Variants in MGAM observed in about 807,000 individuals in gnomAD.
The protein encoded by MGAM is maltase-glucoamylase, also known as alpha-1,4-glucosidase.
A neutral mutation model predicts 358.8 loss-of-function variants in MGAM; 253 were observed. That is an observed-to-expected ratio of 0.71 (90% confidence interval 0.64 to 0.78). The LOEUF is 0.78. Among genes scored for constraint, MGAM ranks in the 30% least tolerant of loss-of-function variants. The pLI is 0.00. For missense variants in MGAM, 3,080 were observed against 3,432.6 expected, an observed-to-expected ratio of 0.90 and a Z score of 2.57; for synonymous variants, 1,105 against 1,227.1, an observed-to-expected ratio of 0.90 and a Z score of 2.08.
At chr7:142,046,408 C>G (rs1810420817) in intron 21 of MGAM, among the ~76,000 whole-genome samples, 2 of 151,724 alleles carry the variant, frequency 1.3e-5, no homozygotes, top group African/African-American at 4.8e-5. Flanking sequence ...TCTCATTCCT[C>G]CAGAGATGAT....
At position 142,008,596 on chromosome 7, in the gene MGAM, C is replaced by T. The variant is rs201174904; in HGVS notation, c.218C>T (p.Thr73Met). ...ACTGGTACCACACATGCTAGGACAA[C>T]GGGTCCCCCAGATCCTGGAACAACT... is the stretch of plus-strand genomic sequence containing the variant. ...GTTGTTHART[T>M]GPPDPGTTGT... Residue 73 changes from threonine (T) to methionine (M), a missense_variant, in exon 3 of 71, where the codon ACG (threonine) becomes ATG (methionine). Transcript: ENST00000475668. The T allele has an allele frequency of 2.0e-4, 326 of 1,613,150 alleles. 5 individuals are homozygous for T. The South Asian group carries it at 2.5e-3, about 12-fold the overall frequency.
Position 142,025,074 on chromosome 7 carries a change from C to T in MGAM, c.907C>T (p.Gln303Ter), listed in dbSNP as rs1554460378. The T allele has an allele frequency of 6.2e-7, 1 of 1,613,696 alleles. No homozygotes were observed. Among genetic ancestry groups the T allele is most frequent in the Non-Finnish European group, 8.5e-7 (1 of 1,179,656 alleles). The change falls in exon 8 of 71, where the codon CAG (glutamine) becomes TAG (stop). Residue 303 changes from glutamine to a stop codon, truncating the protein, a stop_gained. Coordinates refer to ENST00000475668, the MANE Select transcript of MGAM (RefSeq NM_001365693.1). LOFTEE classifies it high-confidence loss of function. ...NGNGTNLYGA[Q>*]TFFLCLEDAS... ...GAACGGAACTAATTTGTATGGTGCGCAGACATTCTTCTTGTGCCTTGAAGA... is the reference window on the plus strand; with the variant it reads ...GAACGGAACTAATTTGTATGGTGCGTAGACATTCTTCTTGTGCCTTGAAGA...
At chr7:141,989,028 A>T (rs1328692787) in intron 2 of MGAM, among the ~76,000 whole-genome samples, 8 of 152,058 alleles carry the variant, frequency 5.3e-5, no homozygotes, top group Non-Finnish European at 1.0e-4. Flanking sequence ...TTTGTAGGCT[A>T]TGAAGACTGT....
At position 142,102,541 on chromosome 7, in the gene MGAM, T is replaced by C. The variant is rs1816526050; in HGVS notation, c.7964-89T>C. 4.5e-5 allele frequency: 54 copies of C among 1,212,314 alleles called. 2 individuals carry two copies. In the South Asian group the frequency reaches 6.8e-4, roughly 15 times the overall value. The allele number at this position is 1,212,314 out of a possible 1,614,324, so 75.1% of individuals were successfully genotyped here. A position where few individuals can be genotyped will look rare whatever the true frequency, so the allele number is the denominator to read the frequency against. On this transcript the variant is annotated intron_variant, in intron 68 of 70. Coordinates refer to ENST00000475668, the MANE Select transcript of MGAM (RefSeq NM_001365693.1). ...GCCTTACTCTCTCAAACAAGACAAG[T>C]AGGCAATTAGAACAGCATTTATATA...
At chr7:142,074,305 G>C in intron 45 of MGAM, 132 bp downstream of exon 45, 1 of 705,178 alleles carries the variant, frequency 1.4e-6, no homozygotes, top group South Asian at 1.9e-5. Context: ...TAAGTATTTT[G>C]TTTCTGGTTG....
At position 142,027,680 on chromosome 7, in the gene MGAM, C is replaced by G; in HGVS notation, c.1166C>G (p.Thr389Ser). ...GFHLSRYEYG[T>S]LDNMREVVER... ...CACCTCAGTCGTTACGAATATGGAACCTTAGACAACATGAGGGAAGTCGTG... is the reference window on the plus strand; with the variant it reads ...CACCTCAGTCGTTACGAATATGGAAGCTTAGACAACATGAGGGAAGTCGTG... Residue 389 changes from threonine to serine, a missense_variant, in exon 10 of 71, where the codon ACC becomes AGC. Physicochemically the swap from Thr to Ser is moderately conservative, Grantham distance 58 (BLOSUM62 1). This residue lies in a region of MGAM where 1,816 missense variants were observed against 1,840.5 expected (regional missense o/e 0.99). Coordinates refer to ENST00000475668, the MANE Select transcript of MGAM (RefSeq NM_001365693.1). 1.2e-6 allele frequency: 2 copies of G among 1,613,640 alleles called. No individual in the cohort carries two copies. The highest frequency in any genetic ancestry group is 1.7e-6 in the Non-Finnish European group (2 of 1,179,664).
chr7:142,045,285 A>G (rs1810031981), intron 21 of MGAM, among the ~76,000 whole-genome samples: 1 of 111,354 alleles, frequency 9.0e-6, no homozygotes, highest in Non-Finnish European at 1.7e-5. Context: ...CCTATAATAT[A>G]TGATATATAA....
In MGAM at chr7:142,056,870, C is replaced by G; in HGVS notation, c.3621C>G (p.Thr1207=). 3 of 1,613,822 alleles carry G rather than the reference C, an allele frequency of 1.9e-6. No individual in the cohort carries two copies. The highest frequency in any genetic ancestry group is 2.5e-6 in the Non-Finnish European group (3 of 1,179,826). Residue 1207 remains threonine, a synonymous_variant, in exon 30 of 71, where the codon ACC becomes ACG. Transcript: ENST00000475668. ...CCCTGCCTGCCTTGACATACCGCAC[C>G]ACAGGGGGAGTTCTGGACTTTTATG... ...FQPLPALTYR[T]TGGVLDFYVF... is the part of the protein sequence containing the mutation.
At chr7:142,031,266 A>T (rs1467702895) in intron 12 of MGAM, among the ~76,000 whole-genome samples, 1 of 152,128 alleles carries the variant, frequency 6.6e-6, no homozygotes, top group Non-Finnish European at 1.5e-5. Context: ...ACCTTTTCAG[A>T]GTATAGTGTC....
In MGAM at chr7:142,040,808, C is replaced by T; in HGVS notation, c.2460C>T (p.Ile820=). The part of the protein sequence containing the change: ...KIGLHLRGGY[I]FPTQQPNTTT... ...GACTTCACCTTCGAGGAGGCTACAT[C>T]TTCCCCACACAGCAGCCAAATACAA... The change falls in exon 21 of 71, where the codon ATC becomes ATT. Residue 820 remains isoleucine (I), a synonymous_variant. Coordinates refer to ENST00000475668, the MANE Select transcript of MGAM (RefSeq NM_001365693.1). The T allele has an allele frequency of 6.2e-7, 1 of 1,612,992 alleles. No individual in the cohort carries two copies. The highest frequency in any genetic ancestry group is 8.5e-7 in the Non-Finnish European group (1 of 1,179,350).
rs1237492601 is a variant in MGAM, at chr7:142,102,671, G to T, written c.8005G>T (p.Ala2669Ser). ...ACTCTATTACTTGGCCAGCTTTTCT[G>T]CCAGCCAGGTGAGTGTGATTGATAT... The part of the protein sequence containing the change: ...KGLYYLASFS[A>S]SQNTMQSHII... Residue 2669 changes from alanine (A) to serine (S), a missense_variant, in exon 69 of 71, where the codon GCC becomes TCC. This residue lies in a region of MGAM where 194 missense variants were observed against 172.8 expected (regional missense o/e 1.12). Coordinates refer to ENST00000475668, the MANE Select transcript of MGAM (RefSeq NM_001365693.1). The T allele has an allele frequency of 5.0e-6, 8 of 1,613,038 alleles. No individual in the cohort carries two copies. In the East Asian group the frequency reaches 1.8e-4, roughly 36 times the overall value.
chr7:141,994,882 GA>G (rs1436700140), upstream of MGAM, among the ~76,000 whole-genome samples: 1 of 152,136 alleles, frequency 6.6e-6, no homozygotes, highest in African/African-American at 2.4e-5. Context: ...CTGAGTCAAC[GA>G]AACCTCTTTT....
intron 19 of MGAM, among the ~76,000 whole-genome samples, chr7:142,039,650 C>T (rs889601062): frequency 2.6e-5 from 4 of 152,046 alleles, no homozygotes; most frequent in Non-Finnish European, 5.9e-5. Context: ...TGCTCCATGA[C>T]GTAGAAACAG....
Position 142,052,784 on chromosome 7 carries a change from G to A in MGAM, c.2959G>A (p.Ala987Thr), listed in dbSNP as rs1160704031. Reference protein sequence around the residue: ...NCTARGCIWEASNSSGVPFCY... With the variant: ...NCTARGCIWETSNSSGVPFCY... ...CTATGACTTTGGCCTTACTTTTCAG[G>A]CATCCAATTCTTCTGGAGTCCCTTT... The change falls in exon 26 of 71, where the codon GCA (alanine) becomes ACA (threonine). Residue 987 changes from alanine (A) to threonine (T), a missense_variant and splice_region_variant. Coordinates refer to ENST00000475668, the MANE Select transcript of MGAM (RefSeq NM_001365693.1). The A allele has an allele frequency of 4.3e-6, 7 of 1,613,700 alleles. No homozygotes were observed. The highest frequency in any genetic ancestry group is 5.9e-6 in the Non-Finnish European group (7 of 1,179,772).
At chr7:142,050,627 A>G in intron 23 of MGAM, 70 bp from the exon 24 acceptor site, 1 of 1,477,014 alleles carries the variant, frequency 6.8e-7, no homozygotes, top group Admixed American at 2.0e-5. Context: ...GGAATGGAAT[A>G]TTTGAGTGAC....
At chr7:142,012,278 G>C (rs1805659287) in intron 3 of MGAM, among the ~76,000 whole-genome samples, 1 of 152,086 alleles carries the variant, frequency 6.6e-6, no homozygotes, top group Admixed American at 6.6e-5. Context: ...TCATAGTTAT[G>C]GATGGAGACT....
At chr7:142,063,958 C>T (rs1337730141) in intron 36 of MGAM, among the ~76,000 whole-genome samples, 3 of 152,168 alleles carry the variant, frequency 2.0e-5, no homozygotes, top group Non-Finnish European at 2.9e-5. Flanking sequence ...TTTGGAGTTA[C>T]ACTTGGGTTC....
Position 142,022,343 on chromosome 7 carries a change from C to A in MGAM, c.786C>A (p.Asn262Lys). 6.2e-7 allele frequency: 1 copy of A among 1,613,618 alleles called. No homozygotes were observed. Among genetic ancestry groups the A allele is most frequent in the Non-Finnish European group, 8.5e-7 (1 of 1,179,624 alleles). Residue 262 changes from asparagine (N) to lysine (K), a missense_variant, in exon 7 of 71, where the codon AAC becomes AAA. Coordinates refer to ENST00000475668, the MANE Select transcript of MGAM (RefSeq NM_001365693.1). ...LQLSTRLPST[N>K]VYGLGEHVHQ... ...TCTCCACTCGACTGCCTAGCACTAA[C>A]GTGTATGGCCTGGGAGAGCATGTGC...
intron 69 of MGAM, 92 bp downstream of exon 69, chr7:142,102,771 C>A: frequency 8.4e-7 from 1 of 1,192,496 alleles, no homozygotes; most frequent in South Asian, 1.3e-5. Flanking sequence ...CCTAGAATTT[C>A]TTCATTGCTC....
Sources: gnomAD v4.1 joint callset for allele counts (sites outside exome capture counted in the v4.1 genomes callset) on GRCh38, gnomAD v4.1.1 for gene constraint, gnomAD v4.1.1 regional missense constraint, MANE v1.5 for transcripts, NCBI Gene and HGNC (gene_info 2026-07-23, HGNC 2026-07-21) for gene names.